The following AGXT variants were observed in gnomAD, a reference collection of about 807,000 sequenced individuals.
AGXT encodes alanine--glyoxylate aminotransferase.
AGXT carries 41 observed loss-of-function variants against 46.9 expected under a neutral mutation model. The ratio of observed to expected loss-of-function variants is 0.88; its 90% CI spans 0.68 to 1.14. AGXT has a LOEUF of 1.14. Among genes scored for constraint, AGXT ranks in the 50% most tolerant of loss-of-function variants. AGXT has a pLI of 0.00. For missense variants in AGXT, 525 were observed against 522.7 expected, an observed-to-expected ratio of 1.00 and a Z score of -0.04; for synonymous variants, 244 against 227.9, an observed-to-expected ratio of 1.07 and a Z score of -0.64.
At chr2:240,877,749 G>A in intron 9 of AGXT, 117 bp downstream of exon 9, 1 of 1,210,616 alleles carries the variant, frequency 8.3e-7, no homozygotes, top group Non-Finnish European at 1.2e-6. Flanking sequence ...GCTGCCCGGT[G>A]GTGTGGCCTC....
intron 10 of AGXT, 41 bp from the exon 11 acceptor site, chr2:240,878,673 C>G (rs1181567736): frequency 1.3e-6 from 2 of 1,529,236 alleles, no homozygotes; most frequent in East Asian, 4.9e-5. Flanking sequence ...CAGGCAGGTC[C>G]CAGGCGGGAG....
chr2:240,875,001 G>A (rs1037622196), intron 6 of AGXT, 108 bp from the exon 7 acceptor site: 24 of 1,026,144 alleles, frequency 2.3e-5, no homozygotes, highest in Non-Finnish European at 3.5e-5. Flanking sequence ...GGGCCCTCCT[G>A]GGGGCCCCAC....
chr2:240,878,162 C>A lies in AGXT; in HGVS notation c.1071+12C>A, dbSNP rs375775541. The A allele has an allele frequency of 3.7e-6, 6 of 1,611,828 alleles. No homozygotes were observed. The highest frequency in any genetic ancestry group is 4.2e-6 in the Non-Finnish European group (5 of 1,179,760). ...CCTCCACGGGGAAGGTGAGAGGGAG[C>A]GCCTCGAGGGCCTTTTGCAGAAACC... On this transcript the variant is annotated intron_variant, in intron 10 of 10. Transcript: ENST00000307503.
chr2:240,873,475 G>T (rs571362210), intron 5 of AGXT: 8 of 263,604 alleles, frequency 3.0e-5, no homozygotes, highest in South Asian at 1.1e-4. Flanking sequence ...GGGTCACCTC[G>T]CAGGGAACCT....
At chr2:240,878,477 T>C (rs1347083507) in intron 10 of AGXT, among the ~76,000 whole-genome samples, 1 of 152,176 alleles carries the variant, frequency 6.6e-6, no homozygotes, top group Non-Finnish European at 1.5e-5. Context: ...GGGAGGGACC[T>C]TCACTGCACC....
chr2:240,877,705 A>C (rs1002470100), intron 9 of AGXT, 73 bp downstream of exon 9: 1 of 1,469,374 alleles, frequency 6.8e-7, no homozygotes, highest in Non-Finnish European at 9.3e-7. Flanking sequence ...CAGCCCCCTC[A>C]AGAGGGACAC....
chr2:240,872,765 T>C (rs772091441), intron 4 of AGXT, among the ~76,000 whole-genome samples: 20 of 151,932 alleles, frequency 1.3e-4, no homozygotes, highest in Non-Finnish European at 2.6e-4. Context: ...CTCCCTCTGC[T>C]CCAATGTTCA....
At chr2:240,874,494 G>A (rs1397672335) in intron 6 of AGXT, among the ~76,000 whole-genome samples, 1 of 152,250 alleles carries the variant, frequency 6.6e-6, no homozygotes, top group African/African-American at 2.4e-5. Context: ...CGGGCAGGGG[G>A]TAGGGGAAGG....
Position 240,876,034 on chromosome 2 carries a change from C to A in AGXT, c.846+30C>A, listed in dbSNP as rs201774946. 111 of 1,610,692 alleles carry A rather than the reference C, an allele frequency of 6.9e-5. No individual in the cohort carries two copies. The African/African-American group carries it at 1.2e-3, about 18-fold the overall frequency. ...ATGGGCTGCACTCCACAGGAGGAGACAGGGCCACTGGCTGGATTGTCGAGG... is the reference window on the plus strand; with the variant it reads ...ATGGGCTGCACTCCACAGGAGGAGAAAGGGCCACTGGCTGGATTGTCGAGG... On this transcript the variant is annotated intron_variant, in intron 8 of 10. Coordinates refer to ENST00000307503, the MANE Select transcript of AGXT (RefSeq NM_000030.3).
chr2:240,875,551 T>C (rs1458852509), intron 7 of AGXT, among the ~76,000 whole-genome samples: 1 of 152,192 alleles, frequency 6.6e-6, no homozygotes, highest in African/African-American at 2.4e-5. Context: ...AAGACGACCT[T>C]GGCCATAAAC....
intron 2 of AGXT, 67 bp downstream of exon 2, chr2:240,869,429 G>A: frequency 6.7e-7 from 1 of 1,489,370 alleles, no homozygotes; most frequent in Non-Finnish European, 9.0e-7. Context: ...GCCTCCCTCT[G>A]TTTGAAGCTG....
At position 240,872,077 on chromosome 2, in the gene AGXT, C is replaced by T. The variant is rs561455694; in HGVS notation, c.524+628C>T. ...GCTTCAGCAACACCCAGGCCATCCCCACCTGCGGCCAGCACGAGATACTTT... is the reference window on the plus strand; with the variant it reads ...GCTTCAGCAACACCCAGGCCATCCCTACCTGCGGCCAGCACGAGATACTTT... On this transcript the variant is annotated intron_variant, in intron 4 of 10. Transcript: ENST00000307503. Among the ~76,000 whole-genome samples, 90 of 152,376 alleles carry T rather than the reference C, an allele frequency of 5.9e-4. No homozygotes were observed. In the South Asian group the frequency reaches 0.017, roughly 29 times the overall value.
rs747535862 is a variant in AGXT, at chr2:240,873,952, G to T, written c.596-26G>T. 6 of 1,610,908 alleles carry T rather than the reference G, an allele frequency of 3.7e-6. No individual in the cohort carries two copies. In the East Asian group the frequency reaches 1.3e-4, roughly 36 times the overall value. On this transcript the variant is annotated intron_variant, in intron 5 of 10. Coordinates refer to ENST00000307503, the MANE Select transcript of AGXT (RefSeq NM_000030.3). The stretch of plus-strand genomic sequence containing the variant: ...GCCTGCCCTGAGGTGGGACTCACCC[G>T]TCCCGAGCAAACCACCCATCTACAG...
Position 240,873,010 on chromosome 2 carries a change from GC to G in AGXT, c.557del (p.Ala186AspfsTer26). On this transcript the variant is annotated frameshift_variant, in exon 5 of 11. Transcript: ENST00000307503. LOFTEE classifies it high-confidence loss of function. ...GTGCCTGCTCCTGGTGGATTCGGTG[GC>G]ATCCCTGGGCGGGACCCCCCTTTAC... is the stretch of plus-strand genomic sequence containing the variant. ...YKCLLLVDSVASLGGTPLYMD... is the reference protein window; with the variant it reads ...YKCLLLVDSVXSLGGTPLYMD... 1.2e-6 allele frequency: 2 copies of G among 1,613,952 alleles called. No homozygotes were observed. Among genetic ancestry groups the G allele is most frequent in the Non-Finnish European group, 1.7e-6 (2 of 1,179,944 alleles).
At chr2:240,878,622 A>C in intron 10 of AGXT, 92 bp from the exon 11 acceptor site, 2 of 1,231,506 alleles carry the variant, frequency 1.6e-6, no homozygotes, top group Non-Finnish European at 2.3e-6. Context: ...GTCCTCACTC[A>C]GGTGAGCCCA....
chr2:240,870,443 G>A (rs981266678), intron 2 of AGXT, among the ~76,000 whole-genome samples: 1 of 151,888 alleles, frequency 6.6e-6, no homozygotes, highest in Non-Finnish European at 1.5e-5. Context: ...CAACAGCAGG[G>A]GGGTCAAGAT....
intron 2 of AGXT, 80 bp from the exon 3 acceptor site, chr2:240,870,564 C>G (rs1008720538): frequency 8.0e-5 from 122 of 1,516,350 alleles, no homozygotes; most frequent in Non-Finnish European, 1.0e-4. Context: ...CAGGGCCCTG[C>G]TCAGCAGGGC....
At chr2:240,874,488 C>G (rs1442268320) in intron 6 of AGXT, among the ~76,000 whole-genome samples, 2 of 152,238 alleles carry the variant, frequency 1.3e-5, no homozygotes, top group African/African-American at 4.8e-5. Flanking sequence ...CCAGGCCGGG[C>G]AGGGGGTAGG....
At chr2:240,876,954 C>CGGGCCA (rs956961042) in intron 8 of AGXT, 1 of 228,398 alleles carries the variant, frequency 4.4e-6, no homozygotes, top group Non-Finnish European at 8.9e-6. Context: ...GCAGAGAAGA[C>CGGGCCA]GGGCCAGGGC....
Sources: allele counts gnomAD v4.1 joint callset (sites outside exome capture counted in the v4.1 genomes callset), GRCh38; gene constraint gnomAD v4.1.1; transcripts MANE v1.5; gene names NCBI Gene and HGNC (gene_info 2026-07-23, HGNC 2026-07-21).